OTOP1: variants seen among roughly 807,000 people sequenced by gnomAD.
OTOP1 encodes the protein otopetrin 1.
A neutral mutation model predicts 52.9 loss-of-function variants in OTOP1; 59 were observed. The ratio of observed to expected loss-of-function variants is 1.12; its 90% CI spans 0.91 to 1.39. OTOP1 has a LOEUF of 1.39. OTOP1 is among the 40% of genes most tolerant of loss of function. The pLI, the probability that OTOP1 is intolerant of heterozygous loss-of-function variation, is 0.00. For missense variants in OTOP1, 761 were observed against 800.9 expected, an observed-to-expected ratio of 0.95 and a Z score of 0.60; for synonymous variants, 317 against 337.7, an observed-to-expected ratio of 0.94 and a Z score of 0.67.
chr4:4,221,852 G>C (rs890189627), intron 1 of OTOP1, among the ~76,000 whole-genome samples: 12 of 152,156 alleles, frequency 7.9e-5, no homozygotes, highest in African/African-American at 2.9e-4. Flanking sequence ...CTGACCCCAG[G>C]TGATCTGCCC....
In OTOP1 at chr4:4,197,416, G is replaced by C. The variant is rs781045002; in HGVS notation, c.1418C>G (p.Pro473Arg). ...VVTVCNGNTM[P>R]LASSCPKSGG... is the part of the protein sequence containing the mutation. ...ACTCTTGGGGCAGGAAGAAGCAAGG[G>C]GCATGGTGTTGCCATTGCAGACTGT... is the stretch of plus-strand genomic sequence containing the variant. Residue 473 changes from proline (P) to arginine (R), a missense_variant, in exon 5 of 6, where the codon CCC (proline) becomes CGC (arginine). This residue lies in a region of OTOP1 where 632 missense variants were observed against 619.5 expected (regional missense o/e 1.02). Coordinates refer to ENST00000296358, the MANE Select transcript of OTOP1 (RefSeq NM_177998.3). The C allele has an allele frequency of 4.5e-5, 72 of 1,613,926 alleles. No individual in the cohort carries two copies. Among genetic ancestry groups the C allele is most frequent in the Non-Finnish European group, 5.4e-5 (64 of 1,180,028 alleles).
At chr4:4,221,091 T>C (rs2108806594) in intron 1 of OTOP1, among the ~76,000 whole-genome samples, 1 of 135,392 alleles carries the variant, frequency 7.4e-6, no homozygotes, top group African/African-American at 2.8e-5. Context: ...TTTTATTTTA[T>C]TTTATTGAGA....
chr4:4,190,299 C>T (rs1198643968), intron 5 of OTOP1, among the ~76,000 whole-genome samples: 1 of 152,104 alleles, frequency 6.6e-6, no homozygotes, highest in African/African-American at 2.4e-5. Flanking sequence ...ATGGTGAAAC[C>T]CCATCTCTAC....
intron 2 of OTOP1, among the ~76,000 whole-genome samples, chr4:4,207,032 C>G (rs1161608086): frequency 2.6e-5 from 4 of 152,168 alleles, no homozygotes; most frequent in Non-Finnish European, 4.4e-5. Context: ...ATAAATTTGT[C>G]TCATTTAATC....
At chr4:4,199,146 G>A (rs1313960012) in intron 4 of OTOP1, among the ~76,000 whole-genome samples, 1 of 151,800 alleles carries the variant, frequency 6.6e-6, no homozygotes, top group Non-Finnish European at 1.5e-5. Flanking sequence ...CTGAGATCGT[G>A]CCACTGCACT....
At chr4:4,208,065 C>T (rs1457293394) in intron 2 of OTOP1, among the ~76,000 whole-genome samples, 16 of 151,910 alleles carry the variant, frequency 1.1e-4, no homozygotes, top group Admixed American at 9.2e-4. Context: ...GATAAAAAAA[C>T]GTCGGGCACA....
At chr4:4,212,844 T>A in intron 2 of OTOP1, 24 bp downstream of exon 2, 1 of 1,612,962 alleles carries the variant, frequency 6.2e-7, no homozygotes, top group Middle Eastern at 1.7e-4. Context: ...AATGAGACAA[T>A]ATAAATAAAC....
At chr4:4,217,728 G>T (rs1185268140) in intron 1 of OTOP1, among the ~76,000 whole-genome samples, 2 of 152,184 alleles carry the variant, frequency 1.3e-5, no homozygotes, top group East Asian at 3.8e-4. Flanking sequence ...AGGTACATGG[G>T]CAGGAAAGGA....
chr4:4,212,523 A>G (rs1213963979), intron 2 of OTOP1, among the ~76,000 whole-genome samples: 2 of 152,226 alleles, frequency 1.3e-5, no homozygotes, highest in African/African-American at 4.8e-5. Context: ...AAATGGGTGA[A>G]TTATACGCCA....
intron 4 of OTOP1, among the ~76,000 whole-genome samples, chr4:4,200,001 T>TA (rs1185513148): frequency 6.6e-6 from 1 of 152,200 alleles, no homozygotes; most frequent in African/African-American, 2.4e-5. Flanking sequence ...GATTACAATG[T>TA]AAAATCTGTC....
intron 5 of OTOP1, among the ~76,000 whole-genome samples, chr4:4,196,715 G>A (rs1023771240): frequency 3.3e-5 from 5 of 152,260 alleles, no homozygotes; most frequent in East Asian, 1.9e-4. Flanking sequence ...GCAACAGGGC[G>A]CGACCCTGTC....
chr4:4,219,696 C>CAAA lies in OTOP1; in HGVS notation c.404-6695_404-6693dup, dbSNP rs71169623. 2.7e-4 allele frequency among the ~76,000 whole-genome samples: 34 copies of CAAA among 124,830 alleles called. 1 individual carries two copies. Among genetic ancestry groups the CAAA allele is most frequent in the Middle Eastern group, 4.2e-3 (1 of 240 alleles). 81.9% of individuals were successfully genotyped at this position (124,830 alleles called of 152,430 possible). Reference sequence around the variant, plus strand: ...TGGGCGACAGAGCGAGACTCTGTCTCAAAAAAAAAAAAAGACATACTGTAT... The same window carrying CAAA: ...TGGGCGACAGAGCGAGACTCTGTCTCAAAAAAAAAAAAAAAAGACATACTGTAT... On this transcript the variant is annotated intron_variant, in intron 1 of 5. Coordinates refer to ENST00000296358, the MANE Select transcript of OTOP1 (RefSeq NM_177998.3).
At chr4:4,226,269 T>C (rs1033417774) in intron 1 of OTOP1, among the ~76,000 whole-genome samples, 193 bp downstream of exon 1, 2 of 148,526 alleles carry the variant, frequency 1.3e-5, no homozygotes, top group Non-Finnish European at 3.0e-5. Flanking sequence ...AGGAGGCTCC[T>C]GCGGCGACCC....
chr4:4,217,804 G>A (rs1717182948), intron 1 of OTOP1, among the ~76,000 whole-genome samples: 1 of 152,148 alleles, frequency 6.6e-6, no homozygotes, highest in Non-Finnish European at 1.5e-5. Flanking sequence ...GTCTGACAAA[G>A]GACTTTAATC....
At chr4:4,191,232 A>T (rs1490971902) in intron 5 of OTOP1, among the ~76,000 whole-genome samples, 3 of 151,976 alleles carry the variant, frequency 2.0e-5, no homozygotes, top group Non-Finnish European at 4.4e-5. Context: ...CAGTATCTTC[A>T]GCCCACCTGT....
At chr4:4,219,836 CATAT>C (rs71169624) in intron 1 of OTOP1, among the ~76,000 whole-genome samples, 1 of 141,226 alleles carries the variant, frequency 7.1e-6, no homozygotes, top group African/African-American at 2.7e-5. Flanking sequence ...TATGTGTATA[CATAT>C]ATATACACAT....
chr4:4,197,583 G>A lies in OTOP1; in HGVS notation c.1251C>T (p.Gly417=), dbSNP rs772420504. 2 of 1,613,970 alleles carry A rather than the reference G, an allele frequency of 1.2e-6. No homozygotes were observed. Among genetic ancestry groups the A allele is most frequent in the South Asian group, 2.2e-5 (2 of 91,058 alleles). The part of the protein sequence containing the change: ...GSILAILCAE[G]HPRYTWYNLP... The stretch of plus-strand genomic sequence containing the variant: ...GGTTGTACCAGGTGTAGCGGGGGTG[G>A]CCCTCAGCACAGAGGATGGCCAAGA... The change falls in exon 5 of 6, where the codon GGC becomes GGT. Residue 417 remains glycine, a synonymous_variant. Transcript: ENST00000296358.
At position 4,218,755 on chromosome 4, in the gene OTOP1, C is replaced by A. The variant is rs190860623; in HGVS notation, c.404-5751G>T. Among the ~76,000 whole-genome samples the A allele has an allele frequency of 4.7e-3, 711 of 152,146 alleles. 3 individuals carry two copies. The highest frequency in any genetic ancestry group is 0.016 in the African/African-American group (671 of 41,510). The stretch of plus-strand genomic sequence containing the variant: ...CCAGCCGGGCCAACATGGTGAAACC[C>A]CGTCTCTACCAAAAACACAAAACAT... On this transcript the variant is annotated intron_variant, in intron 1 of 5. Transcript: ENST00000296358.
intron 5 of OTOP1, among the ~76,000 whole-genome samples, chr4:4,193,554 CA>C (rs34660125): frequency 0.51 from 77,382 of 151,854 alleles, 20,185 homozygotes; most frequent in East Asian, 0.64. Flanking sequence ...GGGTCAACCA[CA>C]AGGTTTCAAA....
Sources: gnomAD v4.1 joint callset for allele counts (sites outside exome capture counted in the v4.1 genomes callset) on GRCh38, gnomAD v4.1.1 for gene constraint, gnomAD v4.1.1 regional missense constraint, MANE v1.5 for transcripts, NCBI Gene and HGNC (gene_info 2026-07-23, HGNC 2026-07-21) for gene names.